TMEM126A: variants seen among roughly 807,000 people sequenced by gnomAD.
TMEM126A encodes the protein transmembrane protein 126A.
A neutral mutation model predicts 18.3 loss-of-function variants in TMEM126A; 10 were observed. That is an observed-to-expected ratio of 0.55 (90% confidence interval 0.34 to 0.93). The LOEUF (loss-of-function observed/expected upper bound fraction) is 0.93, where lower values mean the gene tolerates loss of function less well. Ranked by LOEUF, TMEM126A falls within the 40% of genes least tolerant of loss-of-function variation. TMEM126A has a pLI of 0.02. For missense variants in TMEM126A, 246 were observed against 230.2 expected (o/e 1.07, Z -0.44); for synonymous variants, 68 against 78.1 (o/e 0.87, Z 0.68).
chr11:85,653,388 G>A (rs955878233), intron 2 of TMEM126A, among the ~76,000 whole-genome samples: 1 of 152,174 alleles, frequency 6.6e-6, no homozygotes, highest in Non-Finnish European at 1.5e-5. Flanking sequence ...AGACTGTATT[G>A]TAGATGGCAA....
intron 2 of TMEM126A, among the ~76,000 whole-genome samples, chr11:85,652,108 G>A (rs1288684548): frequency 1.3e-5 from 2 of 152,206 alleles, no homozygotes; most frequent in African/African-American, 4.8e-5. Context: ...ATGTTGCATG[G>A]AGCTGAGATC....
intron 2 of TMEM126A, among the ~76,000 whole-genome samples, chr11:85,651,646 C>G (rs954529606): frequency 1.3e-5 from 2 of 152,004 alleles, no homozygotes; most frequent in Non-Finnish European, 2.9e-5. Context: ...ACCCATAAAT[C>G]AAGACCAGTA....
At chr11:85,652,316 A>G (rs946851171) in intron 2 of TMEM126A, among the ~76,000 whole-genome samples, 4 of 152,236 alleles carry the variant, frequency 2.6e-5, no homozygotes, top group African/African-American at 7.2e-5. Flanking sequence ...GGCAGATTAC[A>G]GTGTCCTGTT....
intron 2 of TMEM126A, among the ~76,000 whole-genome samples, chr11:85,652,785 T>C (rs2082510495): frequency 1.3e-5 from 2 of 151,694 alleles, no homozygotes; most frequent in East Asian, 1.9e-4. Flanking sequence ...AATGGACTTA[T>C]ATATAACATG....
intron 2 of TMEM126A, among the ~76,000 whole-genome samples, chr11:85,652,442 A>AGT (rs2082507910): frequency 6.6e-6 from 1 of 152,146 alleles, no homozygotes; most frequent in Non-Finnish European, 1.5e-5. Context: ...CATGTCCTTC[A>AGT]GTGTATGGAG....
rs3068382 is a variant in TMEM126A, at chr11:85,651,069, CAAAAAAAAAAAA to C, written c.86+739_86+750del. On this transcript the variant is annotated intron_variant, in intron 2 of 4. Coordinates refer to ENST00000304511, the MANE Select transcript of TMEM126A (RefSeq NM_032273.4). Reference sequence around the variant, plus strand: ...GGGCGACAAGAGTGAGGATCCGTCTCAAAAAAAAAAAAAAAAAAAAAAGATATTAAAGAGAAA... The same window carrying C: ...GGGCGACAAGAGTGAGGATCCGTCTCAAAAAAAAAAGATATTAAAGAGAAA... Among the ~76,000 whole-genome samples, 24 of 79,872 alleles carry C rather than the reference CAAAAAAAAAAAA, an allele frequency of 3.0e-4. 2 individuals carry two copies. The allele number at this position is 79,872 out of a possible 152,430, so 52.4% of individuals were successfully genotyped here.
At chr11:85,652,506 CAT>C (rs1198197741) in intron 2 of TMEM126A, among the ~76,000 whole-genome samples, 2 of 152,134 alleles carry the variant, frequency 1.3e-5, no homozygotes, top group Non-Finnish European at 2.9e-5. Context: ...CTTTCACGTA[CAT>C]GTTTGTCATT....
chr11:85,653,996 GTCAAGA>G (rs1375230929), intron 2 of TMEM126A, 61 bp from the exon 3 acceptor site: 2 of 1,562,398 alleles, frequency 1.3e-6, no homozygotes, highest in Admixed American at 3.3e-5. Context: ...TATAACACAT[GTCAAGA>G]TCGGGAAAGC....
intron 3 of TMEM126A, among the ~76,000 whole-genome samples, chr11:85,654,691 G>A (rs639542): frequency 0.011 from 1,684 of 152,236 alleles, 102 homozygotes; most frequent in Admixed American, 0.1. Flanking sequence ...GACCTCAGGT[G>A]ATCCACCCGC....
chr11:85,654,333 AT>A, intron 3 of TMEM126A, 77 bp downstream of exon 3: 1 of 1,370,680 alleles, frequency 7.3e-7, no homozygotes, highest in Non-Finnish European at 1.0e-6. Context: ...ACTTATTAAT[AT>A]CAAGTAGCTG....
chr11:85,656,375 T>C lies in TMEM126A; in HGVS notation c.462T>C (p.Pro154=). ...GTTACTGGATTAGAACTTCTAAGCC[T>C]GTCTTTAGAAAGATGTTATTTCCTA... ...ILSYWIRTSK[P]VFRKMLFPIL... The change falls in exon 5 of 5, where the codon CCT becomes CCC. Residue 154 remains proline (P), a synonymous_variant. Coordinates refer to ENST00000304511, the MANE Select transcript of TMEM126A (RefSeq NM_032273.4). The C allele has an allele frequency of 6.2e-7, 1 of 1,613,020 alleles. No individual in the cohort carries two copies. Among genetic ancestry groups the C allele is most frequent in the Non-Finnish European group, 8.5e-7 (1 of 1,179,530 alleles).
intron 1 of TMEM126A, among the ~76,000 whole-genome samples, chr11:85,648,869 ATGT>A (rs1008229091): frequency 3.9e-5 from 6 of 152,062 alleles, no homozygotes; most frequent in African/African-American, 1.4e-4. Flanking sequence ...AGTGCCTGTA[ATGT>A]TGTAGGAAAT....
chr11:85,654,190 G>A lies in TMEM126A; in HGVS notation c.214G>A (p.Ala72Thr). 1 of 1,614,174 alleles carries A rather than the reference G, an allele frequency of 6.2e-7. No homozygotes were observed. The highest frequency in any genetic ancestry group is 1.1e-5 in the South Asian group (1 of 91,086). ...TCGCATAGCTGCTGGCTTACCAATG[G>A]CAGGGATACCTTTTCTTACAACAGA... ...KARIAAGLPM[A>T]GIPFLTTDLT... is the part of the protein sequence containing the mutation. Residue 72 changes from alanine (A) to threonine (T), a missense_variant, in exon 3 of 5, where the codon GCA becomes ACA. By Grantham distance (58) the Ala-to-Thr change is moderately conservative. Transcript: ENST00000304511.
At chr11:85,652,426 A>G (rs1490832390) in intron 2 of TMEM126A, among the ~76,000 whole-genome samples, 1 of 152,174 alleles carries the variant, frequency 6.6e-6, no homozygotes, top group African/African-American at 2.4e-5. Context: ...TTTAATGGTT[A>G]CTTGGCATGT....
chr11:85,650,169 A>G (rs529056994), intron 1 of TMEM126A, 80 bp from the exon 2 acceptor site: 3 of 842,424 alleles, frequency 3.6e-6, no homozygotes, highest in South Asian at 1.6e-5. Flanking sequence ...TTAGCTCTAC[A>G]GTATTATTTT....
Position 85,654,216 on chromosome 11 carries a change from C to T in TMEM126A, c.240C>T (p.Asp80=), listed in dbSNP as rs532521030. 5.6e-6 allele frequency: 9 copies of T among 1,614,220 alleles called. No individual in the cohort carries two copies. The African/African-American group carries it at 9.3e-5, about 17-fold the overall frequency. The change falls in exon 3 of 5, where the codon GAC becomes GAT. Residue 80 remains aspartate, a synonymous_variant. Coordinates refer to ENST00000304511, the MANE Select transcript of TMEM126A (RefSeq NM_032273.4). ...CAGGGATACCTTTTCTTACAACAGACTTAACTTACAGATGTTTTGTAAGTT... is the reference window on the plus strand; with the variant it reads ...CAGGGATACCTTTTCTTACAACAGATTTAACTTACAGATGTTTTGTAAGTT... ...PMAGIPFLTT[D]LTYRCFVSFP...
intron 1 of TMEM126A, among the ~76,000 whole-genome samples, chr11:85,648,529 C>T (rs2082477223): frequency 6.6e-6 from 1 of 152,202 alleles, no homozygotes; most frequent in African/African-American, 2.4e-5. Flanking sequence ...AGACAAAATG[C>T]CCACAGGGGC....
chr11:85,655,396 A>G lies in TMEM126A; in HGVS notation c.281-198A>G, dbSNP rs886932053. On this transcript the variant is annotated intron_variant, in intron 3 of 4. Transcript: ENST00000304511. ...AACAAATTAGAGAACTTTTTTTCCTAAAATAGTTTTACCAATTATTCCTAG... is the reference window on the plus strand; with the variant it reads ...AACAAATTAGAGAACTTTTTTTCCTGAAATAGTTTTACCAATTATTCCTAG... 1.9e-5 allele frequency: 10 copies of G among 519,596 alleles called. No homozygotes were observed. In the African/African-American group the frequency reaches 1.9e-4, roughly 10 times the overall value. 32.2% of individuals were successfully genotyped at this position (519,596 alleles called of 1,614,324 possible).
intron 2 of TMEM126A, 141 bp downstream of exon 2, chr11:85,650,482 C>A (rs1565799091): frequency 2.9e-6 from 2 of 687,776 alleles, no homozygotes; most frequent in South Asian, 1.7e-5. Flanking sequence ...TGGATGAGAG[C>A]GTTTAACCAT....
Sources: gnomAD v4.1 joint callset for allele counts (sites outside exome capture counted in the v4.1 genomes callset) on GRCh38, gnomAD v4.1.1 for gene constraint, MANE v1.5 for transcripts, NCBI Gene and HGNC (gene_info 2026-07-23, HGNC 2026-07-21) for gene names.